Variants in PARD3B observed in about 807,000 individuals in gnomAD.
PARD3B encodes the protein partitioning defective 3 homolog B.
In PARD3B, 103 loss-of-function variants were observed where a neutral mutation model predicts 130.2. That is an observed-to-expected ratio of 0.79 (90% confidence interval 0.67 to 0.93). PARD3B has a LOEUF of 0.93. Ranked by LOEUF, PARD3B falls within the 40% of genes least tolerant of loss-of-function variation. The pLI is 0.00. For synonymous variants in PARD3B, 583 were observed against 553.2 expected, an observed-to-expected ratio of 1.05 and a Z score of -0.76; for missense variants, 1,609 against 1,499.2, an observed-to-expected ratio of 1.07 and a Z score of -1.21.
At chr2:205,579,039 CAAAT>C (rs1245897858) in intron 22 of PARD3B, among the ~76,000 whole-genome samples, 3 of 152,130 alleles carry the variant, frequency 2.0e-5, no homozygotes, top group Admixed American at 6.5e-5. Flanking sequence ...ACATAATGAA[CAAAT>C]AATTAGCAAA....
At chr2:205,362,111 A>G (rs2044411042) in intron 18 of PARD3B, among the ~76,000 whole-genome samples, 1 of 152,180 alleles carries the variant, frequency 6.6e-6, no homozygotes, top group African/African-American at 2.4e-5. Flanking sequence ...ATCAAAATTC[A>G]TTCCCAAAGA....
intron 2 of PARD3B, among the ~76,000 whole-genome samples, chr2:204,880,657 CAAAAAAA>C (rs746023895): frequency 1.3e-4 from 7 of 55,466 alleles, no homozygotes; most frequent in East Asian, 1.0e-3. Flanking sequence ...GACTCCATCT[CAAAAAAA>C]AAAAAAAAAA....
intron 1 of PARD3B, among the ~76,000 whole-genome samples, chr2:204,662,570 A>C (rs947453122): frequency 1.3e-5 from 2 of 152,208 alleles, no homozygotes; most frequent in Non-Finnish European, 2.9e-5. Context: ...ATACATCAGA[A>C]GTGCTTCATG....
intron 18 of PARD3B, among the ~76,000 whole-genome samples, chr2:205,355,560 G>C (rs533770900): frequency 1.7e-4 from 26 of 152,184 alleles, no homozygotes; most frequent in African/African-American, 5.5e-4. Flanking sequence ...TGCTTCAACT[G>C]TGTAAGGTGA....
At position 205,473,389 on chromosome 2, in the gene PARD3B, G is replaced by T. The variant is rs1239590958; in HGVS notation, c.3045-26507G>T. Among the ~76,000 whole-genome samples, 1 of 151,992 alleles carries T rather than the reference G, an allele frequency of 6.6e-6. No homozygotes were observed. Among genetic ancestry groups the T allele is most frequent in the African/African-American group, 2.4e-5 (1 of 41,406 alleles). ...ACAACCAACAAAGTAATGAGATTCT[G>T]TGTTATGGTAGCTGTCACATCTTGT... On this transcript the variant is annotated intron_variant, in intron 20 of 22. Transcript: ENST00000406610. The surrounding 1 kb of genome is among the most constrained non-coding windows in gnomAD (Gnocchi z 4.9).
intron 18 of PARD3B, among the ~76,000 whole-genome samples, chr2:205,324,502 A>C (rs916622511): frequency 6.6e-6 from 1 of 152,154 alleles, no homozygotes; most frequent in Non-Finnish European, 1.5e-5. Context: ...AGGGCAGGCC[A>C]TTAGAGATAT....
chr2:204,613,361 C>T (rs868060390), intron 1 of PARD3B, among the ~76,000 whole-genome samples: 1 of 152,136 alleles, frequency 6.6e-6, no homozygotes, highest in Non-Finnish European at 1.5e-5. Flanking sequence ...CATTTTCCGC[C>T]TCCAGTTCTT....
intron 6 of PARD3B, among the ~76,000 whole-genome samples, chr2:205,114,351 A>G (rs16836966): frequency 0.039 from 5,877 of 152,226 alleles, 225 homozygotes; most frequent in African/African-American, 0.1. Context: ...TAAGACGACC[A>G]CATTTAGCAC....
At chr2:205,537,468 T>C (rs1383732811) in intron 21 of PARD3B, among the ~76,000 whole-genome samples, 2 of 152,218 alleles carry the variant, frequency 1.3e-5, no homozygotes, top group Admixed American at 6.5e-5. Flanking sequence ...TGTACCTTTG[T>C]TTCTCTGGAA....
chr2:205,581,293 G>GAT (rs1162277863), intron 22 of PARD3B, among the ~76,000 whole-genome samples: 67 of 140,934 alleles, frequency 4.8e-4, no homozygotes, highest in African/African-American at 1.5e-3. Flanking sequence ...TATATAGATA[G>GAT]ATATAGATAG....
chr2:204,642,763 G>T (rs2035122015), intron 1 of PARD3B, among the ~76,000 whole-genome samples: 1 of 151,916 alleles, frequency 6.6e-6, no homozygotes, highest in Admixed American at 6.6e-5. Context: ...GAATCATGGA[G>T]CAGACTTCCC....
intron 1 of PARD3B, among the ~76,000 whole-genome samples, chr2:204,652,198 C>T (rs1224285963): frequency 6.6e-6 from 1 of 152,102 alleles, no homozygotes. Flanking sequence ...TTTCTTTTCT[C>T]CCACATGGCC....
intron 2 of PARD3B, among the ~76,000 whole-genome samples, chr2:204,846,492 A>G (rs1035298085): frequency 3.9e-5 from 6 of 151,916 alleles, no homozygotes; most frequent in African/African-American, 1.5e-4. Flanking sequence ...CAAAGTTCAT[A>G]CGTTGAAGCA....
At chr2:204,975,810 A>T (rs889551180) in intron 3 of PARD3B, among the ~76,000 whole-genome samples, 3 of 152,232 alleles carry the variant, frequency 2.0e-5, no homozygotes, top group South Asian at 2.1e-4. Flanking sequence ...ATGTAAACTT[A>T]TCTGTGTTAA....
At chr2:204,763,464 T>G (rs530715286) in intron 2 of PARD3B, among the ~76,000 whole-genome samples, 1 of 152,318 alleles carries the variant, frequency 6.6e-6, no homozygotes, top group African/African-American at 2.4e-5. Context: ...AGACTCAAAA[T>G]TCTTCAAAAT....
intron 1 of PARD3B, among the ~76,000 whole-genome samples, chr2:204,679,267 G>A (rs935614207): frequency 4.6e-5 from 7 of 152,064 alleles, no homozygotes; most frequent in East Asian, 1.9e-4. Context: ...TCTGTGTGTC[G>A]TTTGGTTAGG....
intron 16 of PARD3B, among the ~76,000 whole-genome samples, chr2:205,277,176 G>A (rs533314071): frequency 8.5e-5 from 13 of 152,348 alleles, no homozygotes; most frequent in African/African-American, 1.7e-4. Flanking sequence ...AAAAGTGACC[G>A]TGACTTCATC....
At chr2:204,797,099 G>A (rs10206878) in intron 2 of PARD3B, among the ~76,000 whole-genome samples, 6 of 149,440 alleles carry the variant, frequency 4.0e-5, no homozygotes, top group Non-Finnish European at 7.4e-5. Context: ...CGCTTGAACC[G>A]AGGAGGTGGA....
At chr2:205,205,627 C>T (rs906377502) in intron 15 of PARD3B, among the ~76,000 whole-genome samples, 3 of 152,092 alleles carry the variant, frequency 2.0e-5, no homozygotes, top group African/African-American at 7.2e-5. Flanking sequence ...TCCATCAATA[C>T]CTAGTTTATT....
Sources: allele counts gnomAD v4.1 joint callset (sites outside exome capture counted in the v4.1 genomes callset), GRCh38; gene constraint gnomAD v4.1.1; non-coding constraint Gnocchi (gnomAD v3.1); transcripts MANE v1.5; gene names NCBI Gene and HGNC (gene_info 2026-07-23, HGNC 2026-07-21).